The following TASP1 variants were observed in gnomAD, a reference collection of about 807,000 sequenced individuals.
TASP1 encodes threonine aspartase 1.
A neutral mutation model predicts 56.6 loss-of-function variants in TASP1; 16 were observed. The ratio of observed to expected loss-of-function variants is 0.28; its 90% confidence interval spans 0.19 to 0.43. The LOEUF (loss-of-function observed/expected upper bound fraction) is 0.43. Among genes scored for constraint, TASP1 ranks in the 20% least tolerant of loss-of-function variants. The pLI, the probability that TASP1 is intolerant of heterozygous loss-of-function variation, is 1.00. For missense variants in TASP1, 393 were observed against 511.6 expected, an observed-to-expected ratio of 0.77 and a Z score of 2.24; for synonymous variants, 179 against 184.2, an observed-to-expected ratio of 0.97 and a Z score of 0.23.
intron 10 of TASP1, among the ~76,000 whole-genome samples, chr20:13,486,947 T>C (rs2043340367): frequency 6.6e-6 from 1 of 152,204 alleles, no homozygotes; most frequent in Admixed American, 6.5e-5. Flanking sequence ...TCTGCTTTCA[T>C]CACTTCTCTT....
the TASP1 span, among the ~76,000 whole-genome samples, chr20:13,193,417 A>C: frequency 1.6e-4 from 25 of 152,210 alleles, no homozygotes; most frequent in Non-Finnish European, 2.5e-4. Context: ...ATGACTGGGC[A>C]TCTCTTTTAC....
the TASP1 span, among the ~76,000 whole-genome samples, chr20:13,378,064 C>G: frequency 2.0e-5 from 3 of 152,058 alleles, no homozygotes; most frequent in Non-Finnish European, 2.9e-5. Flanking sequence ...TTTTTCGTGT[C>G]TCTATCTCCT....
chr20:13,258,255 T>C, the TASP1 span, among the ~76,000 whole-genome samples: 1 of 152,076 alleles, frequency 6.6e-6, no homozygotes, highest in Non-Finnish European at 1.5e-5. Context: ...GTTTGGCCAA[T>C]GTTAGGCATG....
At chr20:13,271,514 A>G in the TASP1 span, among the ~76,000 whole-genome samples, 2 of 152,278 alleles carry the variant, frequency 1.3e-5, no homozygotes, top group East Asian at 3.9e-4. Context: ...AGCCCGTGTC[A>G]TTTTTCTAAT....
the TASP1 span, among the ~76,000 whole-genome samples, chr20:13,185,784 T>C: frequency 1.3e-5 from 2 of 152,174 alleles, no homozygotes; most frequent in African/African-American, 4.8e-5. Context: ...ACATACTCAT[T>C]TTTATAGAAA....
chr20:13,605,798 C>T (rs73090108), intron 4 of TASP1, among the ~76,000 whole-genome samples: 11,300 of 152,220 alleles, frequency 0.074, 563 homozygotes, highest in Admixed American at 0.14. Flanking sequence ...CAGTAAGTAG[C>T]CAGTGCTCCT....
chr20:13,154,089 G>A, the TASP1 span: 2 of 1,614,144 alleles, frequency 1.2e-6, no homozygotes, highest in East Asian at 2.2e-5. Flanking sequence ...CTATGGCAAT[G>A]AGAATGCTTC....
chr20:13,487,486 AG>A (rs1364048605), intron 10 of TASP1, among the ~76,000 whole-genome samples: 2 of 152,294 alleles, frequency 1.3e-5, no homozygotes, highest in Non-Finnish European at 2.9e-5. Flanking sequence ...CCACGGCCCT[AG>A]GAGTGCCAGT....
At chr20:13,126,501 T>C in the TASP1 span, 1 of 1,453,822 alleles carries the variant, frequency 6.9e-7, no homozygotes, top group East Asian at 2.4e-5. Flanking sequence ...TGTCTTTTGC[T>C]ATGAGGATAG....
the TASP1 span, chr20:13,160,266 T>A: frequency 9.0e-7 from 1 of 1,115,278 alleles, no homozygotes; most frequent in Non-Finnish European, 1.2e-6. Flanking sequence ...CAAAAGTCAC[T>A]GCCAAAAAAC....
chr20:13,166,390 G>A, the TASP1 span: 2 of 152,452 alleles, frequency 1.3e-5, no homozygotes, highest in African/African-American at 4.8e-5. Context: ...CTCCAAGTGG[G>A]TGCATTGGTT....
chr20:13,224,847 T>G, the TASP1 span, among the ~76,000 whole-genome samples: 1 of 141,166 alleles, frequency 7.1e-6, no homozygotes, highest in African/African-American at 2.6e-5. Flanking sequence ...CTTTCTTTTT[T>G]TTTTTTTTTT....
At chr20:13,427,285 T>A (rs1361432674) in intron 12 of TASP1, among the ~76,000 whole-genome samples, 1 of 152,254 alleles carries the variant, frequency 6.6e-6, no homozygotes, top group Non-Finnish European at 1.5e-5. Flanking sequence ...TAACATTTTT[T>A]ATTTTGAAAC....
chr20:13,270,413 G>T, the TASP1 span: 1 of 1,415,704 alleles, frequency 7.1e-7, no homozygotes, highest in Non-Finnish European at 9.6e-7. Flanking sequence ...CACTGGAATT[G>T]TCCTTGCTCC....
chr20:13,411,652 T>C (rs2042097880), intron 13 of TASP1, among the ~76,000 whole-genome samples: 1 of 152,250 alleles, frequency 6.6e-6, no homozygotes, highest in East Asian at 1.9e-4. Flanking sequence ...GGAATTTCCC[T>C]TAAGCAAGGT....
the TASP1 span, chr20:13,279,987 G>C: frequency 5.4e-6 from 7 of 1,300,016 alleles, no homozygotes; most frequent in South Asian, 1.4e-5. Flanking sequence ...ACCCTGCTTA[G>C]AGCATGTGGC....
At chr20:13,485,188 C>T (rs1023366432) in intron 10 of TASP1, among the ~76,000 whole-genome samples, 1 of 152,064 alleles carries the variant, frequency 6.6e-6, no homozygotes, top group Non-Finnish European at 1.5e-5. Flanking sequence ...AAAAAATGCC[C>T]TCTTCAACCA....
At chr20:13,567,043 T>C (rs1282912784) in intron 7 of TASP1, among the ~76,000 whole-genome samples, 1 of 152,038 alleles carries the variant, frequency 6.6e-6, no homozygotes, top group East Asian at 1.9e-4. Context: ...CCATCAATGG[T>C]AGACTGGATA....
chr20:13,464,655 G>A (rs1182051110), intron 11 of TASP1, among the ~76,000 whole-genome samples: 2 of 152,084 alleles, frequency 1.3e-5, no homozygotes, highest in Non-Finnish European at 2.9e-5. Flanking sequence ...AGTTGCAAAA[G>A]GTCAAATACT....
Sources: allele counts gnomAD v4.1 joint callset (sites outside exome capture counted in the v4.1 genomes callset), GRCh38; gene constraint gnomAD v4.1.1; transcripts MANE v1.5; gene names NCBI Gene and HGNC (gene_info 2026-07-23, HGNC 2026-07-21).